The following ASTN2 variants were observed in gnomAD, a reference collection of about 807,000 sequenced individuals.
ASTN2 encodes the protein astrotactin-2.
Under a neutral mutation model 139.8 loss-of-function variants are expected in ASTN2, and 54 were observed. The ratio of observed to expected loss-of-function variants is 0.39; its 90% CI spans 0.31 to 0.48. ASTN2 has a LOEUF of 0.48. ASTN2 is among the 20% of genes least tolerant of loss of function. The pLI is 0.95. For missense variants in ASTN2, 1,565 were observed against 1,725.1 expected, an observed-to-expected ratio of 0.91 and a Z score of 1.64; for synonymous variants, 756 against 719.5, an observed-to-expected ratio of 1.05 and a Z score of -0.81.
At position 117,214,725 on chromosome 9, in the gene ASTN2, CA is replaced by C; in HGVS notation, c.647del (p.Leu216ArgfsTer103). ...HISVMGGLIA[L>X]LLLLLVFTVA... ...CGGTGAACACCAGCAGCAGCAGCAG[CA>C]GCGCGATGAGGCCACCCTGGAGCAG... On this transcript the variant is annotated frameshift_variant, in exon 3 of 23. Coordinates refer to ENST00000313400, the MANE Select transcript of ASTN2 (RefSeq NM_001365068.1). LOFTEE classifies it high-confidence loss of function. The C allele has an allele frequency of 1.3e-6, 2 of 1,506,388 alleles. No individual in the cohort carries two copies. The highest frequency in any genetic ancestry group is 8.9e-7 in the Non-Finnish European group (1 of 1,125,900). The allele number at this position is 1,506,388 out of a possible 1,614,324, so 93.3% of individuals were successfully genotyped here. A position where few individuals can be genotyped will look rare whatever the true frequency, so the allele number is the denominator to read the frequency against.
intron 2 of ASTN2, among the ~76,000 whole-genome samples, chr9:117,263,938 A>T (rs550770900): frequency 6.6e-6 from 1 of 152,282 alleles, no homozygotes; most frequent in South Asian, 2.1e-4. Flanking sequence ...AGGCTGAGAC[A>T]GGTGGATCAC....
At chr9:117,193,323 T>C (rs1347138176) in intron 3 of ASTN2, among the ~76,000 whole-genome samples, 2 of 152,024 alleles carry the variant, frequency 1.3e-5, no homozygotes, top group African/African-American at 4.8e-5. Context: ...GGTATAAGGA[T>C]GTCAAGGCAC....
At position 116,854,737 on chromosome 9, in the gene ASTN2, C is replaced by T. The variant is rs574607359; in HGVS notation, c.2040+8846G>A. On this transcript the variant is annotated intron_variant, in intron 11 of 22. Transcript: ENST00000313400. ...CACCATCTTGGCTCACTGCAAGCTCCGCCTCCCGGGTTCACGCCATTCTCC... is the reference window on the plus strand; with the variant it reads ...CACCATCTTGGCTCACTGCAAGCTCTGCCTCCCGGGTTCACGCCATTCTCC... Among the ~76,000 whole-genome samples the T allele has an allele frequency of 9.9e-5, 15 of 151,440 alleles. No homozygotes were observed. The South Asian group carries it at 1.0e-3, about 11-fold the overall frequency.
At chr9:116,785,632 C>T (rs532733994) in intron 13 of ASTN2, among the ~76,000 whole-genome samples, 3 of 152,284 alleles carry the variant, frequency 2.0e-5, no homozygotes, top group African/African-American at 4.8e-5. Context: ...ATGGCACATC[C>T]GTCTGTCCAA....
rs777914761 is a variant in ASTN2, at chr9:116,698,206, G to A, written c.2806+27565C>T. The A allele has an allele frequency of 1.9e-5, 31 of 1,614,036 alleles. 1 individual carries two copies. The highest frequency in any genetic ancestry group is 1.6e-4 in the Middle Eastern group (1 of 6,084). On this transcript the variant is annotated intron_variant, in intron 16 of 22. Coordinates refer to ENST00000313400, the MANE Select transcript of ASTN2 (RefSeq NM_001365068.1). This position sits in a 1 kb window ranked among gnomAD's most constrained non-coding sequence, Gnocchi z 4.4. ...CGGGACTTTGGAGAGAAGTTAACTC[G>A]TCTGCGGGAACTTATGGGGGAGCTG...
At chr9:117,334,483 G>GATT (rs781696426) in intron 1 of ASTN2, among the ~76,000 whole-genome samples, 16 of 148,858 alleles carry the variant, frequency 1.1e-4, no homozygotes, top group Non-Finnish European at 1.6e-4. Context: ...GTATATCAGG[G>GATT]CTTTTTTTTT....
chr9:116,537,954 G>C (rs1403850711), intron 19 of ASTN2, among the ~76,000 whole-genome samples: 1 of 152,188 alleles, frequency 6.6e-6, no homozygotes, highest in African/African-American at 2.4e-5. Context: ...GTTTTACAGA[G>C]AATGGGATGG....
At chr9:117,329,180 C>CTTTTTTTTTTTTTT (rs749880987) in intron 1 of ASTN2, among the ~76,000 whole-genome samples, 1 of 82,584 alleles carries the variant, frequency 1.2e-5, no homozygotes, top group Non-Finnish European at 2.3e-5. Flanking sequence ...CTTCCAAGTT[C>CTTTTTTTTTTTTTT]TTTTTTTTTT....
Position 116,678,564 on chromosome 9 carries a change from G to A in ASTN2, c.2807-26771C>T, listed in dbSNP as rs7867789. On this transcript the variant is annotated intron_variant, in intron 16 of 22. Coordinates refer to ENST00000313400, the MANE Select transcript of ASTN2 (RefSeq NM_001365068.1). ...TTTGTCTAGTTCAGAGGGTTTTAAA[G>A]ATTGTCTTAACCTACAAGTGTAATG... is the stretch of plus-strand genomic sequence containing the variant. Among the ~76,000 whole-genome samples the A allele has an allele frequency of 4.6e-3, 702 of 152,240 alleles. 3 individuals are homozygous for A. Among genetic ancestry groups the A allele is most frequent in the African/African-American group, 0.016 (670 of 41,558 alleles).
At chr9:117,115,570 G>A (rs1028363534) in intron 4 of ASTN2, among the ~76,000 whole-genome samples, 2 of 152,076 alleles carry the variant, frequency 1.3e-5, no homozygotes, top group Non-Finnish European at 2.9e-5. Flanking sequence ...ATGGTCACAA[G>A]TCTTAAGTGA....
chr9:117,169,702 A>G (rs1002799389), intron 3 of ASTN2, among the ~76,000 whole-genome samples: 4 of 143,094 alleles, frequency 2.8e-5, no homozygotes, highest in African/African-American at 5.0e-5. Context: ...GGCGCCTACT[A>G]TGTGCAGCTT....
At chr9:116,563,378 A>C (rs1853022501) in intron 19 of ASTN2, among the ~76,000 whole-genome samples, 1 of 104,934 alleles carries the variant, frequency 9.5e-6, no homozygotes, top group Non-Finnish European at 2.0e-5. Flanking sequence ...CTGTCTCAAA[A>C]AAATAAAAAT....
At chr9:116,643,845 G>C (rs998347306) in intron 17 of ASTN2, among the ~76,000 whole-genome samples, 1 of 152,098 alleles carries the variant, frequency 6.6e-6, no homozygotes, top group Non-Finnish European at 1.5e-5. Flanking sequence ...TAACACTATT[G>C]GAATGTCTAT....
chr9:117,076,751 C>T lies in ASTN2; in HGVS notation c.1276+19293G>A, dbSNP rs560980223. 9.9e-5 allele frequency among the ~76,000 whole-genome samples: 15 copies of T among 152,266 alleles called. No individual in the cohort carries two copies. In the South Asian group the frequency reaches 2.9e-3, roughly 30 times the overall value. ...GTAGTCACAGACCACACCTACCTAC[C>T]TGCCTCATGTGGTCCAGCCCCATCA... On this transcript the variant is annotated intron_variant, in intron 5 of 22. Coordinates refer to ENST00000313400, the MANE Select transcript of ASTN2 (RefSeq NM_001365068.1).
At chr9:116,969,920 A>C (rs762487875) in intron 10 of ASTN2, among the ~76,000 whole-genome samples, 2 of 152,156 alleles carry the variant, frequency 1.3e-5, no homozygotes, top group African/African-American at 4.8e-5. Flanking sequence ...AGAAATCTGA[A>C]ATCGGTATCC....
intron 5 of ASTN2, among the ~76,000 whole-genome samples, chr9:117,089,038 C>T (rs1056567941): frequency 6.6e-6 from 1 of 152,196 alleles, no homozygotes; most frequent in African/African-American, 2.4e-5. Context: ...TTGCACACTC[C>T]TTGCCTCCGG....
At chr9:117,395,391 C>A (rs1243001957) in intron 1 of ASTN2, among the ~76,000 whole-genome samples, 1 of 152,160 alleles carries the variant, frequency 6.6e-6, no homozygotes, top group East Asian at 1.9e-4. Flanking sequence ...CCCAGCCATT[C>A]CTGCTGGAGA....
intron 5 of ASTN2, among the ~76,000 whole-genome samples, chr9:117,053,379 G>A (rs1464149102): frequency 6.6e-6 from 1 of 152,122 alleles, no homozygotes; most frequent in Non-Finnish European, 1.5e-5. Flanking sequence ...TTGAGCCCAG[G>A]AGTTTGAGGC....
At chr9:116,515,689 C>T (rs1244705291) in intron 19 of ASTN2, among the ~76,000 whole-genome samples, 2 of 152,140 alleles carry the variant, frequency 1.3e-5, no homozygotes, top group African/African-American at 4.8e-5. Context: ...TTACTAGCAG[C>T]CAAAGGCCAC....
Sources: gnomAD v4.1 joint callset for allele counts (sites outside exome capture counted in the v4.1 genomes callset) on GRCh38, gnomAD v4.1.1 for gene constraint, Gnocchi (gnomAD v3.1) non-coding constraint, MANE v1.5 for transcripts, NCBI Gene and HGNC (gene_info 2026-07-23, HGNC 2026-07-21) for gene names.